Variants in WBP2NL observed in about 807,000 individuals in gnomAD.
WBP2NL encodes postacrosomal sheath WW domain-binding protein.
In WBP2NL, 27 loss-of-function variants were observed where a neutral mutation model predicts 23.3. The ratio of observed to expected loss-of-function variants is 1.16; its 90% CI spans 0.85 to 1.60. The LOEUF (loss-of-function observed/expected upper bound fraction) is 1.60. Ranked by LOEUF, WBP2NL falls within the 40% of genes most tolerant of loss-of-function variation. The probability of loss-of-function intolerance (pLI) is 0.00; values close to 1 mark genes in which losing one functional copy is unlikely to be tolerated. For missense variants in WBP2NL, 370 were observed against 389.5 expected (o/e 0.95, Z 0.42); for synonymous variants, 151 against 145.9 (o/e 1.03, Z -0.25).
chr22:42,051,653 A>G (rs1191717978), intron 8 of WBP2NL, among the ~76,000 whole-genome samples: 1 of 152,220 alleles, frequency 6.6e-6, no homozygotes, highest in Non-Finnish European at 1.5e-5. Context: ...CAGGAAACCT[A>G]AACCTGGTCT....
At chr22:42,026,399 TG>T (rs1220740839) in intron 5 of WBP2NL, among the ~76,000 whole-genome samples, 1 of 151,922 alleles carries the variant, frequency 6.6e-6, no homozygotes, top group African/African-American at 2.4e-5. Context: ...AAGTGTTCAA[TG>T]GTAGAATTAT....
chr22:42,025,814 A>G (rs1924419902), intron 5 of WBP2NL, among the ~76,000 whole-genome samples: 1 of 152,244 alleles, frequency 6.6e-6, no homozygotes. Flanking sequence ...ACCCAAGGTA[A>G]TAAGTAAAAC....
chr22:42,047,930 G>A (rs1036093460), intron 8 of WBP2NL, among the ~76,000 whole-genome samples: 2 of 151,730 alleles, frequency 1.3e-5, no homozygotes, highest in Non-Finnish European at 2.9e-5. Flanking sequence ...CCTAAAACCA[G>A]TCAATATATT....
intron 8 of WBP2NL, among the ~76,000 whole-genome samples, chr22:42,041,413 C>T (rs1204103951): frequency 5.7e-5 from 8 of 141,382 alleles, no homozygotes; most frequent in South Asian, 4.6e-4. Context: ...ACCCAGGAGG[C>T]GGAGGTTACA....
intron 8 of WBP2NL, among the ~76,000 whole-genome samples, chr22:42,045,167 G>A (rs1019184587): frequency 9.9e-5 from 15 of 151,946 alleles, no homozygotes; most frequent in East Asian, 1.9e-4. Context: ...GGCCGGGCGC[G>A]GTGGCTCACG....
intron 1 of WBP2NL, chr22:42,001,414 G>A: frequency 2.6e-6 from 2 of 761,366 alleles, no homozygotes; most frequent in Non-Finnish European, 4.5e-6. Context: ...CAGCTCGGTA[G>A]ATAATACCCT....
chr22:42,057,824 G>T (rs1926101875), intron 8 of WBP2NL, among the ~76,000 whole-genome samples: 2 of 62,844 alleles, frequency 3.2e-5, no homozygotes, highest in African/African-American at 6.2e-5. Context: ...TTGTATTAAG[G>T]TCATATATAT....
At position 42,019,785 on chromosome 22, in the gene WBP2NL, A is replaced by C. The variant is rs976807700; in HGVS notation, c.295A>C (p.Ile99Leu). ...TGCTGCAAACTTCATTAAGGGAACT[A>C]TTCAGGCAGCTCCATATGGTAAGTG... ...VFAANFIKGT[I>L]QAAPYGGWEG... The change falls in exon 3 of 6, where the codon ATT becomes CTT. Residue 99 changes from isoleucine (I) to leucine (L), a missense_variant. Physicochemically the swap from Ile to Leu is conservative, Grantham distance 5 (BLOSUM62 2). Transcript: ENST00000328823. The C allele has an allele frequency of 6.2e-7, 1 of 1,614,222 alleles. No individual in the cohort carries two copies. The highest frequency in any genetic ancestry group is 8.5e-7 in the Non-Finnish European group (1 of 1,180,036).
intron 8 of WBP2NL, among the ~76,000 whole-genome samples, chr22:42,042,835 G>A (rs1401648004): frequency 2.6e-5 from 4 of 152,096 alleles, no homozygotes; most frequent in African/African-American, 9.7e-5. Context: ...AAGGTGGGCA[G>A]ATCACTTGAG....
chr22:42,027,081 C>T lies in WBP2NL; in HGVS notation c.830C>T (p.Pro277Leu). The change falls in exon 6 of 6, where the codon CCT (proline) becomes CTT (leucine). Residue 277 changes from proline to leucine, a missense_variant. Coordinates refer to ENST00000328823, the MANE Select transcript of WBP2NL (RefSeq NM_152613.3). ...EGPPAGYRAS[P>L]AGSGARPQES... is the part of the protein sequence containing the mutation. ...CCGCCTGCGGGATACAGAGCCTCACCTGCTGGATCAGGAGCCAGGCCTCAG... is the reference window on the plus strand; with the variant it reads ...CCGCCTGCGGGATACAGAGCCTCACTTGCTGGATCAGGAGCCAGGCCTCAG... 3 of 1,614,168 alleles carry T rather than the reference C, an allele frequency of 1.9e-6. No homozygotes were observed. Among genetic ancestry groups the T allele is most frequent in the East Asian group, 2.2e-5 (1 of 44,890 alleles).
chr22:42,008,238 T>C (rs1423417885), intron 1 of WBP2NL, among the ~76,000 whole-genome samples: 3 of 131,722 alleles, frequency 2.3e-5, no homozygotes, highest in African/African-American at 8.4e-5. Context: ...TGACAGAGTC[T>C]CACTCTGTCA....
At chr22:42,004,741 T>C (rs1390480125) in intron 1 of WBP2NL, among the ~76,000 whole-genome samples, 2 of 150,862 alleles carry the variant, frequency 1.3e-5, no homozygotes, top group East Asian at 3.9e-4. Context: ...TTGGCCAACA[T>C]GAGGAAACCC....
At chr22:42,058,065 C>A (rs1926156986) in intron 8 of WBP2NL, among the ~76,000 whole-genome samples, 1 of 149,334 alleles carries the variant, frequency 6.7e-6, no homozygotes, top group African/African-American at 2.5e-5. Context: ...TACAGGCGCC[C>A]ACCACCATGC....
intron 1 of WBP2NL, chr22:42,003,413 A>G: frequency 6.6e-6 from 1 of 152,398 alleles, no homozygotes. Flanking sequence ...ATGGGAGCTA[A>G]TATCCTCCAA....
chr22:42,019,961 C>G, intron 3 of WBP2NL, 43 bp from the exon 4 acceptor site: 1 of 1,603,532 alleles, frequency 6.2e-7, no homozygotes, highest in Non-Finnish European at 8.5e-7. Flanking sequence ...CTGTTGTCAG[C>G]TATGCCAGTT....
intron 1 of WBP2NL, among the ~76,000 whole-genome samples, chr22:42,000,834 T>C (rs572491938): frequency 2.7e-5 from 4 of 149,404 alleles, no homozygotes; most frequent in South Asian, 2.1e-4. Context: ...ACTCAGGAGG[T>C]TGAGGCAGGA....
At chr22:42,035,652 A>T (rs571025005), downstream of WBP2NL, among the ~76,000 whole-genome samples, 297 of 152,372 alleles carry the variant, frequency 1.9e-3, 3 homozygotes, top group Middle Eastern at 3.4e-3. Flanking sequence ...ATTATTTTGC[A>T]ATAATTTAAT....
chr22:42,037,233 C>T (rs891548361), downstream of WBP2NL, among the ~76,000 whole-genome samples: 7 of 151,782 alleles, frequency 4.6e-5, no homozygotes, highest in Non-Finnish European at 2.9e-5. Flanking sequence ...GTTCTTAGCA[C>T]CCTTGTCAAA....
In WBP2NL at chr22:42,026,813, G is replaced by C. The variant is rs765662000; in HGVS notation, c.562G>C (p.Gly188Arg). Residue 188 changes from glycine to arginine, a missense_variant, in exon 6 of 6, where the codon GGA (glycine) becomes CGA (arginine). Coordinates refer to ENST00000328823, the MANE Select transcript of WBP2NL (RefSeq NM_152613.3). ...TGCAGGATATGGAGCCCCACCTCCCGGATACGGAGCCCCACCTGCAGGATA... is the reference window on the plus strand; with the variant it reads ...TGCAGGATATGGAGCCCCACCTCCCCGATACGGAGCCCCACCTGCAGGATA... ...PPAGYGAPPP[G>R]YGAPPAGYGA... 1 of 1,613,818 alleles carries C rather than the reference G, an allele frequency of 6.2e-7. No individual in the cohort carries two copies. The highest frequency in any genetic ancestry group is 1.1e-5 in the South Asian group (1 of 91,034).
Sources: gnomAD v4.1 joint callset for allele counts (sites outside exome capture counted in the v4.1 genomes callset) on GRCh38, gnomAD v4.1.1 for gene constraint, MANE v1.5 for transcripts, NCBI Gene and HGNC (gene_info 2026-07-23, HGNC 2026-07-21) for gene names.